The following PRKCB variants were observed in gnomAD, a reference collection of about 807,000 sequenced individuals.
PRKCB encodes protein kinase C beta type.
A neutral mutation model predicts 81.5 loss-of-function variants in PRKCB; 13 were observed. The ratio of observed to expected loss-of-function variants is 0.16; its 90% CI spans 0.10 to 0.25. PRKCB has a LOEUF of 0.25. PRKCB is among the 10% of genes least tolerant of loss of function. The pLI, the probability that PRKCB is intolerant of heterozygous loss-of-function variation, is 1.00. For missense variants in PRKCB, 509 were observed against 875.7 expected, an observed-to-expected ratio of 0.58 and a Z score of 5.29; for synonymous variants, 335 against 321.4, an observed-to-expected ratio of 1.04 and a Z score of -0.45.
intron 9 of PRKCB, chr16:24,151,763 A>G: frequency 2.2e-6 from 1 of 455,374 alleles, no homozygotes; most frequent in Non-Finnish European, 4.4e-6. Flanking sequence ...TTCAGCATTC[A>G]AGTGGCACAG....
rs1026082078 is a variant in PRKCB, at chr16:24,219,564, G to C, written c.*4748G>C. On this transcript the variant is annotated 3_prime_UTR_variant, in exon 17 of 17. Transcript: ENST00000643927. ...GCTGCTACTGAATGGTTTTCTCCAG[G>C]ACGCTCTACCTAATGATTATTTCTA... 5.0e-6 allele frequency: 5 copies of C among 993,530 alleles called. No homozygotes were observed. Among genetic ancestry groups the C allele is most frequent in the Non-Finnish European group, 4.8e-6 (4 of 835,294 alleles). 61.5% of individuals were successfully genotyped at this position (993,530 alleles called of 1,614,324 possible). A position where few individuals can be genotyped will look rare whatever the true frequency, so the allele number is the denominator to read the frequency against.
At chr16:23,915,091 T>C (rs1471816234) in intron 2 of PRKCB, among the ~76,000 whole-genome samples, 2 of 152,198 alleles carry the variant, frequency 1.3e-5, no homozygotes, top group East Asian at 3.8e-4. Flanking sequence ...CAGGTGCAGT[T>C]GGCAGCCTCT....
chr16:24,111,482 A>G (rs1337790144), intron 7 of PRKCB, among the ~76,000 whole-genome samples: 1 of 151,998 alleles, frequency 6.6e-6, no homozygotes, highest in Non-Finnish European at 1.5e-5. Flanking sequence ...TGAAGCCCCC[A>G]TGTTTATTAT....
At chr16:23,902,025 T>C (rs1419197908) in intron 2 of PRKCB, among the ~76,000 whole-genome samples, 1 of 152,022 alleles carries the variant, frequency 6.6e-6, no homozygotes, top group Non-Finnish European at 1.5e-5. Flanking sequence ...TTGATGGCAG[T>C]TGTAGGTCTG....
At chr16:24,130,654 A>G (rs1314130064) in intron 9 of PRKCB, among the ~76,000 whole-genome samples, 1 of 151,476 alleles carries the variant, frequency 6.6e-6, no homozygotes, top group Non-Finnish European at 1.5e-5. Context: ...GGCCACACCC[A>G]CTCTCTCCAT....
At chr16:23,852,558 G>T (rs1962493538) in intron 2 of PRKCB, among the ~76,000 whole-genome samples, 1 of 152,036 alleles carries the variant, frequency 6.6e-6, no homozygotes. Flanking sequence ...TGTTCATCAG[G>T]GATATTGGTT....
At chr16:23,915,282 G>A (rs188887773) in intron 2 of PRKCB, among the ~76,000 whole-genome samples, 96 of 152,254 alleles carry the variant, frequency 6.3e-4, no homozygotes, top group African/African-American at 2.2e-3. Context: ...TGGCCATGGC[G>A]ATATTTTCTG....
rs865865177 is a variant in PRKCB, at chr16:24,218,855, G to T, written c.*4039G>T. On this transcript the variant is annotated 3_prime_UTR_variant, in exon 17 of 17. Transcript: ENST00000643927. ...GTTGTCTTGTAATAAAACAGCCATG[G>T]GGTTGTCCCTCCAGTCCGAGAGACT... 6 of 985,312 alleles carry T rather than the reference G, an allele frequency of 6.1e-6. No individual in the cohort carries two copies. The highest frequency in any genetic ancestry group is 6.1e-5 in the Admixed American group (1 of 16,262). The allele number at this position is 985,312 out of a possible 1,614,324, so 61.0% of individuals were successfully genotyped here. A position where few individuals can be genotyped will look rare whatever the true frequency, so the allele number is the denominator to read the frequency against.
At chr16:24,113,416 A>G (rs541989782) in intron 8 of PRKCB, among the ~76,000 whole-genome samples, 15 of 110,376 alleles carry the variant, frequency 1.4e-4, no homozygotes, top group Non-Finnish European at 2.0e-4. Context: ...TTTCCCTCTC[A>G]TTCTTTCTTT....
intron 2 of PRKCB, among the ~76,000 whole-genome samples, chr16:23,925,381 G>A (rs1486928316): frequency 6.6e-6 from 1 of 152,010 alleles, no homozygotes; most frequent in Non-Finnish European, 1.5e-5. Context: ...TGGTCATTGG[G>A]TATCTGTGGC....
At chr16:24,189,792 T>C (rs1370692225) in intron 15 of PRKCB, among the ~76,000 whole-genome samples, 1 of 152,224 alleles carries the variant, frequency 6.6e-6, no homozygotes, top group Non-Finnish European at 1.5e-5. Flanking sequence ...GCTGAGTGAC[T>C]GTCCAACAGT....
intron 7 of PRKCB, among the ~76,000 whole-genome samples, chr16:24,104,896 C>T (rs1966555078): frequency 6.6e-6 from 1 of 152,166 alleles, no homozygotes; most frequent in African/African-American, 2.4e-5. Context: ...CTCTGAAGAA[C>T]ACGGGGAGCC....
At chr16:24,133,605 C>T (rs1365330363) in intron 9 of PRKCB, among the ~76,000 whole-genome samples, 2 of 152,236 alleles carry the variant, frequency 1.3e-5, no homozygotes, top group Admixed American at 1.3e-4. Context: ...GCACCCACTC[C>T]AATTCCACTC....
chr16:24,132,488 C>T (rs1307652156), intron 9 of PRKCB, among the ~76,000 whole-genome samples: 1 of 152,216 alleles, frequency 6.6e-6, no homozygotes, highest in African/African-American at 2.4e-5. Context: ...ACAAATATAT[C>T]TGCCTGCCCT....
At chr16:24,006,588 G>A (rs1320218885) in intron 3 of PRKCB, among the ~76,000 whole-genome samples, 2 of 152,184 alleles carry the variant, frequency 1.3e-5, no homozygotes, top group Non-Finnish European at 1.5e-5. Flanking sequence ...GGAATTCATT[G>A]GAAAAGATGT....
chr16:24,125,384 AC>A (rs1315650199), intron 9 of PRKCB, among the ~76,000 whole-genome samples: 3 of 152,154 alleles, frequency 2.0e-5, no homozygotes, highest in African/African-American at 7.2e-5. Context: ...TCTGGCCACA[AC>A]ATCAGCTCTT....
rs191957397 is a variant in PRKCB, at chr16:24,024,229, G to A, written c.289-7907G>A. Among the ~76,000 whole-genome samples, 21 of 152,320 alleles carry A rather than the reference G, an allele frequency of 1.4e-4. 1 individual carries two copies. The highest frequency in any genetic ancestry group is 1.2e-3 in the Admixed American group (18 of 15,296). ...AGCCAGGCACAGAAAGACAAATACT[G>A]CATGATCTCACTTAGATGTGGAATC... On this transcript the variant is annotated intron_variant, in intron 3 of 16. Coordinates refer to ENST00000643927, the MANE Select transcript of PRKCB (RefSeq NM_002738.7).
At chr16:23,860,470 G>A (rs1487750069) in intron 2 of PRKCB, among the ~76,000 whole-genome samples, 3 of 152,178 alleles carry the variant, frequency 2.0e-5, no homozygotes, top group Non-Finnish European at 4.4e-5. Flanking sequence ...AGAGGTAAAT[G>A]TTTGGGAGTT....
At chr16:24,111,428 A>C (rs140520140) in intron 7 of PRKCB, 35 of 152,134 alleles carry the variant, frequency 2.3e-4, no homozygotes, top group African/African-American at 7.2e-4. Flanking sequence ...CACTCATCTC[A>C]TCCTCTTACT....
Sources: allele counts gnomAD v4.1 joint callset (sites outside exome capture counted in the v4.1 genomes callset), GRCh38; gene constraint gnomAD v4.1.1; transcripts MANE v1.5; gene names NCBI Gene and HGNC (gene_info 2026-07-23, HGNC 2026-07-21).